The following CFAP92 variants were observed in gnomAD, a reference collection of about 807,000 sequenced individuals.
The protein encoded by CFAP92 is uncharacterized protein CFAP92.
In CFAP92, 86 loss-of-function variants were observed where a neutral mutation model predicts 106.3. That is an observed-to-expected ratio of 0.81 (90% CI 0.68 to 0.97). The LOEUF is 0.97. Among genes scored for constraint, CFAP92 ranks in the 50% least tolerant of loss-of-function variants. The pLI, the probability that CFAP92 is intolerant of heterozygous loss-of-function variation, is 0.00. For synonymous variants in CFAP92, 477 were observed against 506.4 expected (o/e 0.94, Z 0.78); for missense variants, 1,204 against 1,283.8 (o/e 0.94, Z 0.95).
At chr3:128,935,343 G>C (rs1576437123) in intron 10 of CFAP92, 24 bp from the exon 11 acceptor site, 3 of 1,460,068 alleles carry the variant, frequency 2.1e-6, no homozygotes, top group East Asian at 5.0e-5. Context: ...AAGGCCAAGA[G>C]CTAACTTGCA....
chr3:128,931,336 C>T (rs115578918), intron 12 of CFAP92, among the ~76,000 whole-genome samples: 2,773 of 151,348 alleles, frequency 0.018, 88 homozygotes, highest in African/African-American at 0.063. Flanking sequence ...CCAGCATGCC[C>T]AGCTAATTTT....
intron 9 of CFAP92, among the ~76,000 whole-genome samples, chr3:128,962,563 C>T (rs886295268): frequency 6.6e-6 from 1 of 152,232 alleles, no homozygotes. Flanking sequence ...TCCTTTGCGT[C>T]CTCCTCTTGT....
At chr3:128,985,736 A>G (rs1943811522) in intron 4 of CFAP92, among the ~76,000 whole-genome samples, 1 of 152,206 alleles carries the variant, frequency 6.6e-6, no homozygotes, top group Non-Finnish European at 1.5e-5. Context: ...CACTTTGAGG[A>G]CATGGTTCTT....
At chr3:128,939,354 G>T (rs79281136) in intron 10 of CFAP92, among the ~76,000 whole-genome samples, 7,328 of 152,096 alleles carry the variant, frequency 0.048, 366 homozygotes, top group African/African-American at 0.12. Flanking sequence ...GGCCAGGCTG[G>T]TCTCAAACTC....
intron 12 of CFAP92, among the ~76,000 whole-genome samples, chr3:128,929,326 T>G (rs1401670152): frequency 6.6e-6 from 1 of 152,212 alleles, no homozygotes; most frequent in Non-Finnish European, 1.5e-5. Context: ...ATGTTAAGAT[T>G]GTGCAACTAC....
rs542443015 is a variant in CFAP92 at position 128,960,560 on chromosome 3, A to G, written c.1353+4951T>C. On this transcript the variant is annotated intron_variant, in intron 9 of 15. Coordinates refer to ENST00000645291, the MANE Select transcript of CFAP92 (RefSeq NM_001394090.1). ...GACACGTTTTATCCGTGGACCCAAA[A>G]CTCCGGCGCCGGTCACGGACTGGGA... Among the ~76,000 whole-genome samples the G allele has an allele frequency of 1.1e-3, 162 of 151,858 alleles. 4 individuals are homozygous for G. The highest frequency in any genetic ancestry group is 1.8e-4 in the Non-Finnish European group (12 of 67,944).
At chr3:128,921,121 C>G (rs1194334829) in intron 12 of CFAP92, among the ~76,000 whole-genome samples, 1 of 152,164 alleles carries the variant, frequency 6.6e-6, no homozygotes, top group African/African-American at 2.4e-5. Context: ...ACTTTATGCA[C>G]TCTTGTCTCA....
rs757852747 is a variant in CFAP92, at chr3:128,987,637, C to G, written c.646G>C (p.Val216Leu). ...GCACCTGACTTATGAAAAGCTCCCA[C>G]GTCGTCTGTGAAGCCGGCAGTCTTT... ...RLKTAGFTDD[V>L]GAFHKSEVRH... Residue 216 changes from valine to leucine, a missense_variant, in exon 4 of 16, where the codon GTG (valine) becomes CTG (leucine). Coordinates refer to ENST00000645291, the MANE Select transcript of CFAP92 (RefSeq NM_001394090.1). 2 of 1,613,880 alleles carry G rather than the reference C, an allele frequency of 1.2e-6. No individual in the cohort carries two copies. Among genetic ancestry groups the G allele is most frequent in the Non-Finnish European group, 1.7e-6 (2 of 1,179,878 alleles).
At chr3:128,961,450 C>T (rs531051304) in intron 9 of CFAP92, among the ~76,000 whole-genome samples, 13 of 152,258 alleles carry the variant, frequency 8.5e-5, no homozygotes, top group East Asian at 1.9e-4. Flanking sequence ...GCTCCTCCAC[C>T]CTATAATCCT....
intron 8 of CFAP92, 136 bp from the exon 9 acceptor site, chr3:128,965,831 GAA>G: frequency 2.6e-6 from 1 of 386,546 alleles, no homozygotes; most frequent in Non-Finnish European, 4.5e-6. Context: ...AAAAAAAAAA[GAA>G]AAGAAAGAAT....
intron 15 of CFAP92, among the ~76,000 whole-genome samples, chr3:128,911,719 G>A (rs1456646208): frequency 6.6e-6 from 1 of 152,256 alleles, no homozygotes; most frequent in Non-Finnish European, 1.5e-5. Flanking sequence ...TGGGATTACA[G>A]GCATGAGCCA....
In CFAP92 at chr3:128,945,253, G is replaced by C; in HGVS notation, c.2076C>G (p.Ser692=). 1.3e-6 allele frequency: 2 copies of C among 1,536,150 alleles called. No individual in the cohort carries two copies. Among genetic ancestry groups the C allele is most frequent in the Non-Finnish European group, 1.7e-6 (2 of 1,146,912 alleles). The change falls in exon 10 of 16, where the codon TCC becomes TCG. Residue 692 remains serine, a synonymous_variant. Coordinates refer to ENST00000645291, the MANE Select transcript of CFAP92 (RefSeq NM_001394090.1). ...TCTGCTGCAGGGTCCTGACAGGGTA[G>C]GAGTCCAGGCCGAGGGCCTTAGCGT... The part of the protein sequence containing the change: ...MINAKALGLD[S]YPVRTLQQIL...
intron 8 of CFAP92, chr3:128,967,896 T>C (rs1236991994): frequency 6.6e-6 from 1 of 152,220 alleles, no homozygotes; most frequent in Non-Finnish European, 1.5e-5. Flanking sequence ...CTGTGCATTA[T>C]GGCATGTTTA....
intron 12 of CFAP92, among the ~76,000 whole-genome samples, chr3:128,930,471 T>C (rs1014713010): frequency 6.6e-6 from 1 of 151,832 alleles, no homozygotes; most frequent in African/African-American, 2.4e-5. Context: ...TTAAAAACCC[T>C]TCCTCATGGC....
rs774840671 is a variant in CFAP92, at chr3:128,915,612, T to A, written c.2917-49A>T. 30 of 1,243,180 alleles carry A rather than the reference T, an allele frequency of 2.4e-5. No individual in the cohort carries two copies. In the South Asian group the frequency reaches 4.7e-4, roughly 19 times the overall value. The allele number at this position is 1,243,180 out of a possible 1,614,324, so 77.0% of individuals were successfully genotyped here. ...GGGGTGGAAGGGCTAATAGCAATCT[T>A]GGATTTATTTCCAAGTAGGAATCAG... On this transcript the variant is annotated intron_variant, in intron 13 of 15. Coordinates refer to ENST00000645291, the MANE Select transcript of CFAP92 (RefSeq NM_001394090.1).
intron 11 of CFAP92, 129 bp downstream of exon 11, chr3:128,934,996 C>G (rs1486582306): frequency 1.5e-6 from 1 of 658,558 alleles, no homozygotes; most frequent in Non-Finnish European, 2.5e-6. Flanking sequence ...GATGGTCCTC[C>G]TCCCCCCACC....
At chr3:129,025,906 G>A in the CFAP92 span, among the ~76,000 whole-genome samples, 4 of 152,308 alleles carry the variant, frequency 2.6e-5, no homozygotes, top group Admixed American at 6.5e-5. Flanking sequence ...CACTGACAAC[G>A]GCAGCTGGGC....
intron 12 of CFAP92, among the ~76,000 whole-genome samples, chr3:128,924,616 G>T (rs1332650985): frequency 8.8e-6 from 1 of 114,196 alleles, no homozygotes; most frequent in Admixed American, 8.7e-5. Flanking sequence ...GGCTCATTTT[G>T]TATTTTTTTT....
chr3:128,934,814 A>C (rs1213872455), intron 11 of CFAP92, among the ~76,000 whole-genome samples: 1 of 152,176 alleles, frequency 6.6e-6, no homozygotes, highest in Non-Finnish European at 1.5e-5. Flanking sequence ...TACAGGTGTG[A>C]GCCACTGTGC....
Sources: allele counts gnomAD v4.1 joint callset (sites outside exome capture counted in the v4.1 genomes callset), GRCh38; gene constraint gnomAD v4.1.1; transcripts MANE v1.5; gene names NCBI Gene and HGNC (gene_info 2026-07-23, HGNC 2026-07-21).